B3GAT2: variants seen among roughly 807,000 people sequenced by gnomAD.
B3GAT2 encodes beta-1,3-glucuronyltransferase 2, also known as galactosylgalactosylxylosylprotein 3-beta-glucuronosyltransferase 2.
In B3GAT2, 26 loss-of-function variants were observed where a neutral mutation model predicts 27.8. That is an observed-to-expected ratio of 0.93 (90% confidence interval 0.68 to 1.30). The LOEUF (loss-of-function observed/expected upper bound fraction) is 1.30, where lower values mean the gene tolerates loss of function less well. Among genes scored for constraint, B3GAT2 ranks in the 50% most tolerant of loss-of-function variants. The pLI is 0.00. For missense variants in B3GAT2, 458 were observed against 459.0 expected (o/e 1.00, Z 0.02); for synonymous variants, 218 against 195.1 (o/e 1.12, Z -0.98).
At chr6:70,943,683 A>G (rs933658198) in intron 1 of B3GAT2, among the ~76,000 whole-genome samples, 1 of 152,182 alleles carries the variant, frequency 6.6e-6, no homozygotes, top group Non-Finnish European at 1.5e-5. Context: ...CAGTTTATAT[A>G]CTAACTTGGC....
intron 1 of B3GAT2, among the ~76,000 whole-genome samples, chr6:70,925,832 G>C (rs1017850511): frequency 1.3e-5 from 2 of 152,234 alleles, no homozygotes; most frequent in Non-Finnish European, 2.9e-5. Context: ...TCTGGGAATG[G>C]ACAGACTGCC....
chr6:70,862,564 T>TG (rs1350521849), intron 2 of B3GAT2, among the ~76,000 whole-genome samples: 1 of 152,180 alleles, frequency 6.6e-6, no homozygotes, highest in South Asian at 2.1e-4. Flanking sequence ...AAAGGGTATG[T>TG]GGGGCAGAAA....
intron 1 of B3GAT2, among the ~76,000 whole-genome samples, chr6:70,908,667 A>G (rs761131033): frequency 5.3e-5 from 8 of 152,248 alleles, no homozygotes. Flanking sequence ...TGAAAATATA[A>G]TAATGCACAG....
At chr6:70,930,834 T>G (rs1468109746) in intron 1 of B3GAT2, among the ~76,000 whole-genome samples, 11 of 152,206 alleles carry the variant, frequency 7.2e-5, no homozygotes, top group East Asian at 3.9e-4. Context: ...CCATTACTGG[T>G]TATATACCCA....
intron 1 of B3GAT2, among the ~76,000 whole-genome samples, chr6:70,929,606 A>G (rs1427175647): frequency 6.6e-6 from 1 of 152,210 alleles, no homozygotes; most frequent in African/African-American, 2.4e-5. Context: ...TGCTTCAAAG[A>G]GAATAAAACA....
rs761706426 is a variant in B3GAT2, at chr6:70,861,968, T to TAC, written c.745_746dup (p.Ser250Ter). The TAC allele has an allele frequency of 6.2e-7, 1 of 1,609,412 alleles. No homozygotes were observed. ...GATTGGACAAAATGACTTGAAGACTTACAGCAAATCCTTTGTGAAAAATAA... is the reference window on the plus strand; with the variant it reads ...GATTGGACAAAATGACTTGAAGACTTACACAGCAAATCCTTTGTGAAAAATAA... On this transcript the variant is annotated frameshift_variant, in exon 3 of 4. Transcript: ENST00000230053. LOFTEE classifies it high-confidence loss of function.
chr6:70,887,362 G>C (rs546332781), intron 2 of B3GAT2, among the ~76,000 whole-genome samples: 9 of 152,192 alleles, frequency 5.9e-5, no homozygotes, highest in African/African-American at 2.2e-4. Context: ...TCCCTGCAGA[G>C]AGCCCACAGA....
chr6:70,910,563 T>C (rs941383354), intron 1 of B3GAT2, among the ~76,000 whole-genome samples: 4 of 152,218 alleles, frequency 2.6e-5, no homozygotes, highest in Non-Finnish European at 4.4e-5. Context: ...ATTTTCTTTA[T>C]CCAATCTACC....
At chr6:70,862,019 T>C in intron 2 of B3GAT2, 41 bp from the exon 3 acceptor site, 13 of 1,530,600 alleles carry the variant, frequency 8.5e-6, no homozygotes, top group Non-Finnish European at 1.1e-5. Context: ...TTTAAAATCC[T>C]GGTGTACTTC....
intron 2 of B3GAT2, among the ~76,000 whole-genome samples, chr6:70,892,826 G>GCA (rs1443283748): frequency 6.6e-6 from 1 of 152,210 alleles, no homozygotes; most frequent in African/African-American, 2.4e-5. Context: ...CACTCTGAGC[G>GCA]GGTCGAGGGC....
chr6:70,921,440 T>C (rs915415248), intron 1 of B3GAT2, among the ~76,000 whole-genome samples: 1 of 152,234 alleles, frequency 6.6e-6, no homozygotes, highest in Non-Finnish European at 1.5e-5. Context: ...AGTGAGTTTT[T>C]CAGCTCTATC....
Position 70,857,983 on chromosome 6 carries a change from C to G in B3GAT2, c.*3680G>C. The G allele has an allele frequency of 6.2e-7, 1 of 1,614,180 alleles. No homozygotes were observed. Among genetic ancestry groups the G allele is most frequent in the South Asian group, 1.1e-5 (1 of 91,082 alleles). On this transcript the variant is annotated 3_prime_UTR_variant, in exon 4 of 4. Transcript: ENST00000230053. Reference sequence around the variant, plus strand: ...CACAAGCACCAGCTGCATTTCAGGGCTTTCCATCGATGGGCGTGCCTGTGC... The same window carrying G: ...CACAAGCACCAGCTGCATTTCAGGGGTTTCCATCGATGGGCGTGCCTGTGC...
chr6:70,956,891 G>A lies in B3GAT2; in HGVS notation c.-462C>T. On this transcript the variant is annotated 5_prime_UTR_variant, in exon 1 of 4. Transcript: ENST00000230053. ...CCAGGACGCTCTCTGGGACGCCTTC[G>A]AGGGCGGGCGGCGGCGCTGGGGGCT... 2.0e-6 allele frequency: 2 copies of A among 1,017,078 alleles called. No homozygotes were observed. Among genetic ancestry groups the A allele is most frequent in the Non-Finnish European group, 2.4e-6 (2 of 850,866 alleles). 63.0% of individuals were successfully genotyped at this position (1,017,078 alleles called of 1,614,324 possible).
chr6:70,930,982 C>T (rs1343677472), intron 1 of B3GAT2, among the ~76,000 whole-genome samples: 1 of 152,110 alleles, frequency 6.6e-6, no homozygotes, highest in African/African-American at 2.4e-5. Flanking sequence ...GGCACATATG[C>T]ACCATGGAAT....
At chr6:70,949,046 T>C (rs942208102) in intron 1 of B3GAT2, among the ~76,000 whole-genome samples, 4 of 152,132 alleles carry the variant, frequency 2.6e-5, no homozygotes, top group African/African-American at 9.7e-5. Flanking sequence ...TTACACCTTA[T>C]ACAAAAATTA....
chr6:70,886,592 C>T (rs1016580029), intron 2 of B3GAT2, among the ~76,000 whole-genome samples: 1 of 152,072 alleles, frequency 6.6e-6, no homozygotes, highest in African/African-American at 2.4e-5. Flanking sequence ...CCTGAAAGGC[C>T]TCTGCAGAGC....
chr6:70,862,135 A>G, intron 2 of B3GAT2, 157 bp from the exon 3 acceptor site: 2 of 658,880 alleles, frequency 3.0e-6, no homozygotes, highest in Middle Eastern at 4.2e-4. Flanking sequence ...CCTGTATTAC[A>G]GTCTCAAAGG....
intron 1 of B3GAT2, among the ~76,000 whole-genome samples, chr6:70,931,953 T>C (rs981759836): frequency 3.9e-5 from 6 of 152,076 alleles, no homozygotes; most frequent in South Asian, 2.1e-4. Flanking sequence ...ATGGGCAGAA[T>C]AGGCTTGAAG....
intron 1 of B3GAT2, among the ~76,000 whole-genome samples, chr6:70,937,486 G>T (rs1231746982): frequency 5.3e-4 from 80 of 150,536 alleles, no homozygotes; most frequent in African/African-American, 1.6e-3. Flanking sequence ...TGATGAACAT[G>T]GATGCAAAAA....
Sources: gnomAD v4.1 joint callset for allele counts (sites outside exome capture counted in the v4.1 genomes callset) on GRCh38, gnomAD v4.1.1 for gene constraint, MANE v1.5 for transcripts, NCBI Gene and HGNC (gene_info 2026-07-23, HGNC 2026-07-21) for gene names.